PARM1: variants seen among roughly 807,000 people sequenced by gnomAD.
PARM1 encodes the protein WSC4, cell wall integrity and stress response component 4 homolog.
Under a neutral mutation model 24.6 loss-of-function variants are expected in PARM1, and 14 were observed. The ratio of observed to expected loss-of-function variants is 0.57; its 90% CI spans 0.38 to 0.89. The LOEUF (loss-of-function observed/expected upper bound fraction) is 0.89, where lower values mean the gene tolerates loss of function less well. Ranked by LOEUF, PARM1 falls within the 40% of genes least tolerant of loss-of-function variation. PARM1 has a pLI of 0.00. For synonymous variants in PARM1, 179 were observed against 156.6 expected (o/e 1.14, Z -1.07); for missense variants, 362 against 380.4 (o/e 0.95, Z 0.40).
chr4:75,039,408 C>T (rs1723434451), intron 3 of PARM1, among the ~76,000 whole-genome samples: 1 of 152,050 alleles, frequency 6.6e-6, no homozygotes, highest in Non-Finnish European at 1.5e-5. Flanking sequence ...GTGGCAGGCA[C>T]CTATAGTCCC....
intron 1 of PARM1, among the ~76,000 whole-genome samples, chr4:74,943,635 A>C (rs1214657039): frequency 1.3e-5 from 2 of 152,238 alleles, no homozygotes; most frequent in African/African-American, 4.8e-5. Context: ...TGCCATAGAC[A>C]TCATTTAAAA....
At chr4:74,985,906 C>G (rs553020994) in intron 1 of PARM1, among the ~76,000 whole-genome samples, 55 of 152,170 alleles carry the variant, frequency 3.6e-4, no homozygotes, top group Non-Finnish European at 6.9e-4. Context: ...GTAGCTGGGA[C>G]TACAGGTGTG....
At chr4:75,012,335 G>C in intron 1 of PARM1, 90 bp from the exon 2 acceptor site, 1 of 1,403,598 alleles carries the variant, frequency 7.1e-7, no homozygotes, top group Non-Finnish European at 9.7e-7. Flanking sequence ...TGAAAATGCT[G>C]TAAAACAGCT....
intron 2 of PARM1, among the ~76,000 whole-genome samples, chr4:75,014,634 G>A (rs1022190732): frequency 6.6e-6 from 1 of 152,124 alleles, no homozygotes; most frequent in Non-Finnish European, 1.5e-5. Context: ...CCTCTGATAT[G>A]CAGCAAGAAG....
At chr4:74,954,984 TAA>T (rs1721604278) in intron 1 of PARM1, among the ~76,000 whole-genome samples, 1 of 152,196 alleles carries the variant, frequency 6.6e-6, no homozygotes, top group Non-Finnish European at 1.5e-5. Context: ...CCATGGTGGA[TAA>T]AGTTTCCTTC....
In PARM1 at chr4:74,964,577, A is replaced by ACACACACACACACACACT. The variant is rs377411929; in HGVS notation, c.43+31209_43+31210insCACACACACACACACTCA. On this transcript the variant is annotated intron_variant, in intron 1 of 3. Coordinates refer to ENST00000307428, the MANE Select transcript of PARM1 (RefSeq NM_015393.4). Reference sequence around the variant, plus strand: ...AGCACACACACACACACACACACACACATTGCATCCTTCCTTGATCTTTTG... The same window carrying ACACACACACACACACACT: ...AGCACACACACACACACACACACACACACACACACACACACACTCATTGCATCCTTCCTTGATCTTTTG... Among the ~76,000 whole-genome samples the ACACACACACACACACACT allele has an allele frequency of 4.5e-3, 677 of 152,034 alleles. 4 individuals carry two copies. Among genetic ancestry groups the ACACACACACACACACACT allele is most frequent in the African/African-American group, 0.015 (641 of 41,376 alleles).
At chr4:75,000,030 T>C (rs962377760) in intron 1 of PARM1, among the ~76,000 whole-genome samples, 1 of 152,040 alleles carries the variant, frequency 6.6e-6, no homozygotes, top group Non-Finnish European at 1.5e-5. Flanking sequence ...GCTTGGAGAG[T>C]ACCTCTGGGA....
chr4:74,974,979 T>C (rs1201193250), intron 1 of PARM1, among the ~76,000 whole-genome samples: 2 of 152,128 alleles, frequency 1.3e-5, no homozygotes, highest in East Asian at 3.8e-4. Context: ...TCCAGAAATG[T>C]GGGCAAAAAA....
chr4:75,010,826 A>G (rs748817607), intron 1 of PARM1, among the ~76,000 whole-genome samples: 1 of 152,166 alleles, frequency 6.6e-6, no homozygotes, highest in African/African-American at 2.4e-5. Flanking sequence ...ACCAATTAAG[A>G]GACTATTACA....
intron 2 of PARM1, among the ~76,000 whole-genome samples, chr4:75,028,033 C>T (rs1723214165): frequency 6.6e-6 from 1 of 152,218 alleles, no homozygotes; most frequent in South Asian, 2.1e-4. Flanking sequence ...CTTAGCATCT[C>T]TGTGACTCAG....
intron 1 of PARM1, among the ~76,000 whole-genome samples, chr4:74,998,576 T>C (rs752661898): frequency 6.6e-6 from 1 of 152,248 alleles, no homozygotes; most frequent in Non-Finnish European, 1.5e-5. Context: ...TTTCAACTGA[T>C]TTAGTTCATT....
intron 1 of PARM1, among the ~76,000 whole-genome samples, chr4:74,976,465 C>T (rs1341569351): frequency 6.6e-6 from 1 of 152,090 alleles, no homozygotes; most frequent in Non-Finnish European, 1.5e-5. Flanking sequence ...GGGATGGAGA[C>T]CCTGGGAGGA....
intron 3 of PARM1, among the ~76,000 whole-genome samples, chr4:75,036,758 ATAAAT>A (rs374215948): frequency 6.1e-4 from 93 of 152,338 alleles, no homozygotes; most frequent in African/African-American, 2.1e-3. Context: ...AGAGCACCAG[ATAAAT>A]TAAGTAAATG....
chr4:75,033,557 A>G (rs1160857015), intron 2 of PARM1, among the ~76,000 whole-genome samples: 1 of 152,212 alleles, frequency 6.6e-6, no homozygotes, highest in African/African-American at 2.4e-5. Flanking sequence ...CAACAGCAGC[A>G]GCAACAACAA....
At chr4:75,038,158 G>T (rs916642916) in intron 3 of PARM1, among the ~76,000 whole-genome samples, 1 of 152,110 alleles carries the variant, frequency 6.6e-6, no homozygotes, top group South Asian at 2.1e-4. Flanking sequence ...CTGGTGATCC[G>T]CCCACCTTGG....
At chr4:75,036,508 T>C (rs1723375495) in intron 3 of PARM1, among the ~76,000 whole-genome samples, 1 of 152,200 alleles carries the variant, frequency 6.6e-6, no homozygotes, top group African/African-American at 2.4e-5. Context: ...AGCAAGTATA[T>C]AGCACTGCCA....
intron 2 of PARM1, among the ~76,000 whole-genome samples, chr4:75,019,986 G>C (rs1317534129): frequency 1.4e-5 from 2 of 140,032 alleles, no homozygotes; most frequent in African/African-American, 5.2e-5. Context: ...GTCCGGCCTG[G>C]GCGACAGAAC....
chr4:74,936,581 G>A (rs1304459616), intron 1 of PARM1, among the ~76,000 whole-genome samples: 1 of 151,750 alleles, frequency 6.6e-6, no homozygotes, highest in Non-Finnish European at 1.5e-5. Flanking sequence ...AGCCTCCCGA[G>A]TAACTGGGAC....
intron 1 of PARM1, among the ~76,000 whole-genome samples, chr4:75,001,848 G>A (rs1272758069): frequency 6.6e-6 from 1 of 152,194 alleles, no homozygotes; most frequent in African/African-American, 2.4e-5. Flanking sequence ...CAGTTGTGGA[G>A]ATGTGTTTGC....
Sources: gnomAD v4.1 joint callset for allele counts (sites outside exome capture counted in the v4.1 genomes callset) on GRCh38, gnomAD v4.1.1 for gene constraint, MANE v1.5 for transcripts, NCBI Gene and HGNC (gene_info 2026-07-23, HGNC 2026-07-21) for gene names.